Variants in COX7B2 observed in about 807,000 individuals in gnomAD.
The protein encoded by COX7B2 is cytochrome c oxidase subunit 7B2, also known as cytochrome c oxidase subunit 7B2, mitochondrial.
For synonymous variants in COX7B2, 37 were observed against 32.1 expected (o/e 1.15, Z -0.51); for missense variants, 109 against 95.9 (o/e 1.14, Z -0.57).
At chr4:46,907,848 CTTTTT>C (rs35024713) in intron 1 of COX7B2, among the ~76,000 whole-genome samples, 276 of 59,694 alleles carry the variant, frequency 4.6e-3, no homozygotes, top group African/African-American at 0.016. Context: ...TTTGAGCAGA[CTTTTT>C]TTTTTTTTTT....
At chr4:46,907,573 C>A (rs1414984876) in intron 1 of COX7B2, among the ~76,000 whole-genome samples, 1 of 151,974 alleles carries the variant, frequency 6.6e-6, no homozygotes, top group African/African-American at 2.4e-5. Context: ...AAGAAGGGTT[C>A]CCATTGCTTT....
rs553179088 is a variant in COX7B2, at chr4:46,861,090, A to G, written c.-104-16076T>C. On this transcript the variant is annotated intron_variant, in intron 1 of 2. Coordinates refer to ENST00000355591, the MANE Select transcript of COX7B2 (RefSeq NM_130902.3). ...ATTAGAGTCCTACCCGAGGGGGTTC[A>G]TTTATTCCTTAGTTTCCCTTCTACG... Among the ~76,000 whole-genome samples the G allele has an allele frequency of 1.8e-4, 27 of 152,248 alleles. No homozygotes were observed. In the East Asian group the frequency reaches 5.2e-3, roughly 29 times the overall value.
intron 2 of COX7B2, among the ~76,000 whole-genome samples, chr4:46,807,063 C>T (rs996238783): frequency 6.6e-6 from 1 of 151,704 alleles, no homozygotes; most frequent in Non-Finnish European, 1.5e-5. Context: ...TGATACTGTA[C>T]TTCTATTTTA....
chr4:46,890,602 G>A (rs902805541), intron 1 of COX7B2, among the ~76,000 whole-genome samples: 4 of 152,210 alleles, frequency 2.6e-5, no homozygotes, highest in African/African-American at 9.7e-5. Flanking sequence ...GATATTTAGT[G>A]AAGTCTTATC....
chr4:46,829,064 T>C (rs1172681413), intron 2 of COX7B2, among the ~76,000 whole-genome samples: 1 of 152,174 alleles, frequency 6.6e-6, no homozygotes, highest in African/African-American at 2.4e-5. Context: ...AAGCACGTGA[T>C]TGAGATTACC....
At chr4:46,787,247 A>C (rs1717797189) in intron 2 of COX7B2, among the ~76,000 whole-genome samples, 1 of 152,152 alleles carries the variant, frequency 6.6e-6, no homozygotes, top group Admixed American at 6.5e-5. Context: ...CGGGAGTTTG[A>C]GACCAGCCCG....
chr4:46,762,300 A>G (rs1276743330), intron 2 of COX7B2, among the ~76,000 whole-genome samples: 4 of 139,352 alleles, frequency 2.9e-5, no homozygotes, highest in Non-Finnish European at 6.1e-5. Context: ...AAATATATAT[A>G]GTGTTATATA....
intron 2 of COX7B2, among the ~76,000 whole-genome samples, chr4:46,816,432 C>T (rs571360264): frequency 1.5e-4 from 23 of 152,240 alleles, no homozygotes; most frequent in African/African-American, 5.5e-4. Context: ...TAAACCTGAA[C>T]TGAAGTTCTT....
intron 2 of COX7B2, among the ~76,000 whole-genome samples, chr4:46,792,663 G>A (rs560738772): frequency 1.6e-4 from 24 of 152,172 alleles, no homozygotes; most frequent in African/African-American, 5.5e-4. Flanking sequence ...AGCAGACTGT[G>A]GGACTTCTCA....
At chr4:46,894,894 T>G (rs961468591) in intron 1 of COX7B2, among the ~76,000 whole-genome samples, 11 of 152,172 alleles carry the variant, frequency 7.2e-5, no homozygotes, top group Non-Finnish European at 1.5e-5. Context: ...TGCATATCAG[T>G]GATCATTAGA....
chr4:46,784,662 G>C (rs558394192), intron 2 of COX7B2, among the ~76,000 whole-genome samples: 24 of 152,100 alleles, frequency 1.6e-4, no homozygotes, highest in Non-Finnish European at 3.2e-4. Context: ...TCAAGTAAAT[G>C]ATCTATTTCT....
chr4:46,820,833 A>AT (rs1560401895), intron 2 of COX7B2, among the ~76,000 whole-genome samples: 2,317 of 144,398 alleles, frequency 0.016, 14 homozygotes, highest in South Asian at 0.022. Context: ...AAAAAAAAAA[A>AT]AATATATATA....
intron 2 of COX7B2, among the ~76,000 whole-genome samples, chr4:46,842,816 G>GT (rs1716023906): frequency 6.6e-6 from 1 of 152,050 alleles, no homozygotes; most frequent in African/African-American, 2.4e-5. Context: ...GGACATTTAG[G>GT]TTGGTTCGAA....
At chr4:46,770,567 C>T (rs1020923794) in intron 2 of COX7B2, among the ~76,000 whole-genome samples, 8 of 151,924 alleles carry the variant, frequency 5.3e-5, no homozygotes, top group Non-Finnish European at 1.0e-4. Context: ...TACCTGATTT[C>T]TAATATACCA....
chr4:46,799,475 T>A (rs1280262775), intron 2 of COX7B2, among the ~76,000 whole-genome samples: 3 of 152,190 alleles, frequency 2.0e-5, no homozygotes, highest in African/African-American at 7.2e-5. Context: ...TTTACCTGTA[T>A]GATGCTGGCT....
chr4:46,883,129 G>A (rs1453103368), intron 1 of COX7B2, among the ~76,000 whole-genome samples: 1 of 152,112 alleles, frequency 6.6e-6, no homozygotes, highest in Non-Finnish European at 1.5e-5. Flanking sequence ...CTGAATCATA[G>A]GTAAAGCCGG....
At chr4:46,892,770 A>G (rs537007410) in intron 1 of COX7B2, among the ~76,000 whole-genome samples, 2 of 152,288 alleles carry the variant, frequency 1.3e-5, no homozygotes, top group East Asian at 3.9e-4. Flanking sequence ...AATTATTTTC[A>G]TGGACCGATA....
chr4:46,765,831 GC>G (rs1217195762), intron 2 of COX7B2, among the ~76,000 whole-genome samples: 2 of 152,052 alleles, frequency 1.3e-5, no homozygotes, highest in African/African-American at 2.4e-5. Flanking sequence ...AGCCCATATG[GC>G]CCCAGGTGTG....
intron 2 of COX7B2, among the ~76,000 whole-genome samples, chr4:46,763,201 ATAT>A (rs1282107126): frequency 2.8e-4 from 38 of 135,830 alleles, no homozygotes; most frequent in African/African-American, 9.7e-4. Flanking sequence ...ATAATATATG[ATAT>A]TATATTTATA....
Sources: allele counts gnomAD v4.1 joint callset (sites outside exome capture counted in the v4.1 genomes callset), GRCh38; gene constraint gnomAD v4.1.1; transcripts MANE v1.5; gene names NCBI Gene and HGNC (gene_info 2026-07-23, HGNC 2026-07-21).